The following CYP7B1 variants were observed in gnomAD, a reference collection of about 807,000 sequenced individuals.
CYP7B1 encodes the protein cytochrome P450 7B1.
CYP7B1 carries 29 observed loss-of-function variants against 42.7 expected under a neutral mutation model. That is an observed-to-expected ratio of 0.68 (90% CI 0.51 to 0.93). The LOEUF is 0.93. CYP7B1 is among the 40% of genes least tolerant of loss of function. The probability of loss-of-function intolerance (pLI) is 0.00; values close to 1 mark genes in which losing one functional copy is unlikely to be tolerated. For missense variants in CYP7B1, 655 were observed against 600.5 expected, an observed-to-expected ratio of 1.09 and a Z score of -0.95; for synonymous variants, 235 against 218.2, an observed-to-expected ratio of 1.08 and a Z score of -0.68.
intron 1 of CYP7B1, among the ~76,000 whole-genome samples, chr8:64,630,816 C>T (rs1005286276): frequency 1.3e-5 from 2 of 152,162 alleles, no homozygotes; most frequent in African/African-American, 4.8e-5. Context: ...GCATGACCTG[C>T]TTTAAGAGAT....
In CYP7B1 at chr8:64,595,994, G is replaced by A. The variant is rs1487189203; in HGVS notation, c.*648C>T. On this transcript the variant is annotated 3_prime_UTR_variant, in exon 6 of 6. Coordinates refer to ENST00000310193, the MANE Select transcript of CYP7B1 (RefSeq NM_004820.5). Reference sequence around the variant, plus strand: ...TCAGTATCTAACTTGAACATGAAAGGTCTTATGTAACCAGAAATTTTGTTC... The same window carrying A: ...TCAGTATCTAACTTGAACATGAAAGATCTTATGTAACCAGAAATTTTGTTC... 6.2e-6 allele frequency: 1 copy of A among 160,854 alleles called. No individual in the cohort carries two copies. Among genetic ancestry groups the A allele is most frequent in the Non-Finnish European group, 1.4e-5 (1 of 70,034 alleles). 10.0% of individuals were successfully genotyped at this position (160,854 alleles called of 1,614,324 possible). A position where few individuals can be genotyped will look rare whatever the true frequency, so the allele number is the denominator to read the frequency against.
intron 5 of CYP7B1, 85 bp from the exon 6 acceptor site, chr8:64,597,014 T>C (rs1805129711): frequency 8.1e-7 from 1 of 1,232,352 alleles, no homozygotes; most frequent in Non-Finnish European, 1.1e-6. Flanking sequence ...TCTCTCTGCC[T>C]GTCTTAAAAA....
At chr8:64,693,639 G>C (rs1040921454) in intron 1 of CYP7B1, among the ~76,000 whole-genome samples, 4 of 152,194 alleles carry the variant, frequency 2.6e-5, no homozygotes, top group African/African-American at 9.6e-5. Context: ...ACTAGGCATA[G>C]GGTGAGAAAG....
At chr8:64,713,565 G>A (rs745707840) in intron 1 of CYP7B1, among the ~76,000 whole-genome samples, 12 of 152,012 alleles carry the variant, frequency 7.9e-5, no homozygotes, top group Non-Finnish European at 1.6e-4. Flanking sequence ...AAAATGAAAT[G>A]TCTGTAACAA....
chr8:64,587,316 T>A (rs1290810965), downstream of CYP7B1, among the ~76,000 whole-genome samples: 2 of 152,062 alleles, frequency 1.3e-5, no homozygotes, highest in African/African-American at 4.8e-5. Context: ...TCTCAGGACT[T>A]CCCCTGGGAC....
chr8:64,675,728 A>C (rs886245529), intron 1 of CYP7B1, among the ~76,000 whole-genome samples: 7 of 152,150 alleles, frequency 4.6e-5, no homozygotes, highest in African/African-American at 1.7e-4. Flanking sequence ...TTTGAGAGCA[A>C]GAACTGGGAG....
intron 1 of CYP7B1, among the ~76,000 whole-genome samples, chr8:64,697,043 CAG>C (rs1491580092): frequency 2.6e-5 from 4 of 151,998 alleles, no homozygotes; most frequent in Admixed American, 2.6e-4. Flanking sequence ...TTAAATCACA[CAG>C]GGGAAAAAAA....
In CYP7B1 at chr8:64,596,404, A is replaced by T. The variant is rs1805117055; in HGVS notation, c.*238T>A. 2 of 424,560 alleles carry T rather than the reference A, an allele frequency of 4.7e-6. No homozygotes were observed. Among genetic ancestry groups the T allele is most frequent in the South Asian group, 3.2e-5 (1 of 31,160 alleles). 26.3% of individuals were successfully genotyped at this position (424,560 alleles called of 1,614,324 possible). A position where few individuals can be genotyped will look rare whatever the true frequency, so the allele number is the denominator to read the frequency against. ...AGGAGAAACTAAAAAAACAACAACA[A>T]CCCTGTTTTGAGCCTACCCTTAAGT... is the stretch of plus-strand genomic sequence containing the variant. On this transcript the variant is annotated 3_prime_UTR_variant, in exon 6 of 6. Transcript: ENST00000310193.
intron 1 of CYP7B1, among the ~76,000 whole-genome samples, chr8:64,731,602 G>T (rs1401170907): frequency 6.6e-6 from 1 of 152,190 alleles, no homozygotes; most frequent in Non-Finnish European, 1.5e-5. Flanking sequence ...CAAGCCTGCT[G>T]CAGAAATTTG....
At chr8:64,672,663 C>A (rs149622700) in intron 1 of CYP7B1, among the ~76,000 whole-genome samples, 22 of 152,260 alleles carry the variant, frequency 1.4e-4, no homozygotes, top group Admixed American at 9.2e-4. Flanking sequence ...AGAGCTGTGA[C>A]TCCTATCAGT....
chr8:64,645,205 G>C (rs372845857), intron 1 of CYP7B1, among the ~76,000 whole-genome samples: 9 of 150,662 alleles, frequency 6.0e-5, no homozygotes, highest in Non-Finnish European at 1.2e-4. Context: ...ATTGTGAATA[G>C]TGCCACAATA....
In CYP7B1 at chr8:64,682,278, G is replaced by A. The variant is rs528647254; in HGVS notation, c.123-57739C>T. Among the ~76,000 whole-genome samples the A allele has an allele frequency of 1.2e-4, 19 of 152,322 alleles. 1 individual carries two copies. Among genetic ancestry groups the A allele is most frequent in the South Asian group, 8.3e-4 (4 of 4,820 alleles). On this transcript the variant is annotated intron_variant, in intron 1 of 5. Coordinates refer to ENST00000310193, the MANE Select transcript of CYP7B1 (RefSeq NM_004820.5). ...ATTGTGAAAGACGAAGCTGGAAAGA[G>A]GTGGGATGAAGCCAGGTTGTGAAGC...
chr8:64,795,276 C>A (rs766007069), intron 1 of CYP7B1, among the ~76,000 whole-genome samples: 2 of 152,178 alleles, frequency 1.3e-5, no homozygotes, highest in African/African-American at 2.4e-5. Context: ...ATGAGCAAAA[C>A]TGACTCAGAA....
At chr8:64,779,087 T>A in intron 1 of CYP7B1, among the ~76,000 whole-genome samples, 1 of 152,090 alleles carries the variant, frequency 6.6e-6, no homozygotes, top group Middle Eastern at 3.2e-3. Context: ...CTTCTAGCAA[T>A]GCTTAAAATG....
chr8:64,791,613 A>G (rs996293800), intron 1 of CYP7B1, among the ~76,000 whole-genome samples: 5 of 152,238 alleles, frequency 3.3e-5, no homozygotes, highest in Non-Finnish European at 7.3e-5. Context: ...AGAGCCCCCA[A>G]AAGGGATACA....
At chr8:64,741,433 C>T (rs1807566519) in intron 1 of CYP7B1, among the ~76,000 whole-genome samples, 1 of 152,042 alleles carries the variant, frequency 6.6e-6, no homozygotes, top group Admixed American at 6.6e-5. Context: ...GATTCTCCTG[C>T]CTCAGCCTCC....
rs961524982 is a variant in CYP7B1 at position 64,624,511 on chromosome 8, C to T, written c.151G>A (p.Gly51Ser). The T allele has an allele frequency of 2.5e-5, 41 of 1,612,898 alleles. No individual in the cohort carries two copies. The highest frequency in any genetic ancestry group is 3.3e-5 in the Non-Finnish European group (39 of 1,179,780). The change falls in exon 2 of 6, where the codon GGT becomes AGT. Residue 51 changes from glycine (G) to serine (S), a missense_variant. Coordinates refer to ENST00000310193, the MANE Select transcript of CYP7B1 (RefSeq NM_004820.5). ...ACCACTCCAAGATAAGGAAGCCAAC[C>T]TTTTATCAATGGAGGCTCACCGGGT... ...RRPGEPPLIKGWLPYLGVVLN... is the reference protein window; with the variant it reads ...RRPGEPPLIKSWLPYLGVVLN...
intron 1 of CYP7B1, among the ~76,000 whole-genome samples, chr8:64,767,089 C>T (rs1193064980): frequency 2.0e-5 from 3 of 152,164 alleles, no homozygotes; most frequent in African/African-American, 7.2e-5. Flanking sequence ...GAGAGACATC[C>T]TAGCAAAAGC....
chr8:64,705,490 C>T (rs987621168), intron 1 of CYP7B1, among the ~76,000 whole-genome samples: 2 of 151,464 alleles, frequency 1.3e-5, no homozygotes, highest in African/African-American at 4.9e-5. Context: ...AATCATATAT[C>T]CTAATTTGAT....
Sources: gnomAD v4.1 joint callset for allele counts (sites outside exome capture counted in the v4.1 genomes callset) on GRCh38, gnomAD v4.1.1 for gene constraint, MANE v1.5 for transcripts, NCBI Gene and HGNC (gene_info 2026-07-23, HGNC 2026-07-21) for gene names.